PCAT7: variants seen among roughly 807,000 people sequenced by gnomAD.
PCAT7 encodes prostate cancer associated transcript 7.
chr9:94,558,940 A>G (rs1308327174), intron 1 of PCAT7: 1 of 1,614,040 alleles, frequency 6.2e-7, no homozygotes, highest in Non-Finnish European at 8.5e-7. Flanking sequence ...CAAACTCGCT[A>G]GCTGCCTGCC....
intron 1 of PCAT7, chr9:94,558,612 T>C (rs1409389893): frequency 3.1e-6 from 1 of 327,316 alleles, no homozygotes; most frequent in African/African-American, 2.2e-5. Context: ...TTAACTAATC[T>C]ATGTACTCTT....
chr9:94,560,480 G>A (rs1321915182), intron 2 of PCAT7, among the ~76,000 whole-genome samples: 1 of 152,098 alleles, frequency 6.6e-6, no homozygotes, highest in East Asian at 1.9e-4. Context: ...CCCTGCTGCT[G>A]TGCATGACTC....
At chr9:94,556,144 GTAGA>G (rs1827008769) in intron 1 of PCAT7, among the ~76,000 whole-genome samples, 1 of 151,146 alleles carries the variant, frequency 6.6e-6, no homozygotes, top group South Asian at 2.1e-4. Flanking sequence ...CAGTTTTTGG[GTAGA>G]TAAAGGGGGA....
chr9:94,562,657 CTACT>C (rs1827126120), intron 2 of PCAT7, among the ~76,000 whole-genome samples: 1 of 152,140 alleles, frequency 6.6e-6, no homozygotes, highest in Admixed American at 6.5e-5. Flanking sequence ...TTTGATTTGA[CTACT>C]TACCTACGAT....
At chr9:94,567,864 T>TA (rs1345591701) in intron 2 of PCAT7, 1 of 156,738 alleles carries the variant, frequency 6.4e-6, no homozygotes, top group African/African-American at 2.4e-5. Context: ...CGCAGTGGCT[T>TA]ATGCATGTAA....
chr9:94,567,252 C>A (rs1470070929), intron 2 of PCAT7: 14 of 1,613,924 alleles, frequency 8.7e-6, no homozygotes, highest in Non-Finnish European at 1.1e-5. Flanking sequence ...TGCCACCCAC[C>A]TGGCTTTCTT....
upstream of PCAT7, among the ~76,000 whole-genome samples, chr9:94,554,875 A>G (rs949671907): frequency 1.3e-5 from 2 of 152,152 alleles, no homozygotes; most frequent in Admixed American, 6.5e-5. Flanking sequence ...ACACCCACAC[A>G]TAAGTGCCAG....
At position 94,563,522 on chromosome 9, in the gene PCAT7, T is replaced by G. The variant is rs757370129; in HGVS notation, n.441+4370T>G. On this transcript the variant is annotated intron_variant and non_coding_transcript_variant, in intron 2 of 8. Coordinates refer to ENST00000647389, the Ensembl canonical transcript of PCAT7. ...GCTTTCAGGATTAGCCAGCACCTGCTCGTGGTCACAAGTCCAGTTGGTGTG... is the reference window on the plus strand; with the variant it reads ...GCTTTCAGGATTAGCCAGCACCTGCGCGTGGTCACAAGTCCAGTTGGTGTG... The G allele has an allele frequency of 5.1e-6, 8 of 1,577,600 alleles. No individual in the cohort carries two copies. In the Admixed American group the frequency reaches 5.2e-5, roughly 10 times the overall value.
At chr9:94,572,557 C>G (rs1043966252) in intron 2 of PCAT7, among the ~76,000 whole-genome samples, 1 of 152,148 alleles carries the variant, frequency 6.6e-6, no homozygotes, top group African/African-American at 2.4e-5. Flanking sequence ...TCTGAAGCTC[C>G]CAACACATTT....
At chr9:94,567,288 C>A in intron 2 of PCAT7, 1 of 1,614,204 alleles carries the variant, frequency 6.2e-7, no homozygotes, top group Non-Finnish European at 8.5e-7. Flanking sequence ...ATTTCTTTTT[C>A]TGCACATATT....
At chr9:94,565,813 GGGAGCGAGGGCA>G (rs1329985010) in intron 2 of PCAT7, among the ~76,000 whole-genome samples, 1 of 152,130 alleles carries the variant, frequency 6.6e-6, no homozygotes, top group Non-Finnish European at 1.5e-5. Context: ...GAGTGAGGGA[GGGAGCGAGGGCA>G]GGAGGGAGGG....
At chr9:94,568,792 A>G (rs1395346530) in intron 2 of PCAT7, 1 of 152,168 alleles carries the variant, frequency 6.6e-6, no homozygotes, top group Non-Finnish European at 1.5e-5. Context: ...AGTGACTTCA[A>G]TCTCTCTGCC....
At position 94,567,673 on chromosome 9, in the gene PCAT7, C is replaced by T. The variant is rs1827211158; in HGVS notation, n.442-5306C>T. 3 of 402,790 alleles carry T rather than the reference C, an allele frequency of 7.4e-6. No homozygotes were observed. The Admixed American group carries it at 1.1e-4, about 15-fold the overall frequency. 25.0% of individuals were successfully genotyped at this position (402,790 alleles called of 1,614,324 possible). A position where few individuals can be genotyped will look rare whatever the true frequency, so the allele number is the denominator to read the frequency against. On this transcript the variant is annotated intron_variant and non_coding_transcript_variant, in intron 2 of 8. Coordinates refer to ENST00000647389, the Ensembl canonical transcript of PCAT7. ...GCAGCCCATAGTCTTCTTTCTTTTC[C>T]TGTGCATCTTCCACTGTCAGTGAGG...
intron 2 of PCAT7, among the ~76,000 whole-genome samples, chr9:94,572,623 A>G (rs574705106): frequency 6.6e-6 from 1 of 152,266 alleles, no homozygotes; most frequent in South Asian, 2.1e-4. Flanking sequence ...ACTTGGTGGC[A>G]AGTACCAACT....
intron 2 of PCAT7, among the ~76,000 whole-genome samples, chr9:94,571,231 A>G (rs1294852220): frequency 6.6e-6 from 1 of 152,146 alleles, no homozygotes; most frequent in Admixed American, 6.5e-5. Flanking sequence ...AGAGGGCCTG[A>G]GTTGATGCAA....
At chr9:94,571,634 ATTG>A in intron 2 of PCAT7, 1 of 1,590,312 alleles carries the variant, frequency 6.3e-7, no homozygotes, top group Non-Finnish European at 8.6e-7. Flanking sequence ...GCCATGTGTT[ATTG>A]TTGTCTCTGG....
intron 2 of PCAT7, among the ~76,000 whole-genome samples, chr9:94,559,946 G>A (rs949486550): frequency 3.3e-5 from 5 of 152,122 alleles, no homozygotes. Flanking sequence ...TTGAGATAGT[G>A]AGACCCCATC....
intron 2 of PCAT7, among the ~76,000 whole-genome samples, chr9:94,562,776 A>C (rs978742173): frequency 6.6e-6 from 1 of 152,144 alleles, no homozygotes; most frequent in Non-Finnish European, 1.5e-5. Context: ...TAAGTTTTGC[A>C]TCATTAAGTT....
chr9:94,572,117 C>G (rs924452830), intron 2 of PCAT7, among the ~76,000 whole-genome samples: 1 of 152,164 alleles, frequency 6.6e-6, no homozygotes, highest in Non-Finnish European at 1.5e-5. Context: ...TTCTGCCTTT[C>G]TCTCTGACTC....
Sources: allele counts gnomAD v4.1 joint callset (sites outside exome capture counted in the v4.1 genomes callset), GRCh38; gene constraint gnomAD v4.1.1; transcripts MANE v1.5; gene names NCBI Gene and HGNC (gene_info 2026-07-23, HGNC 2026-07-21).